Variants in SHISA6 observed in about 807,000 individuals in gnomAD.
SHISA6 encodes protein shisa-6.
In SHISA6, 22 loss-of-function variants were observed where a neutral mutation model predicts 47.9. That is an observed-to-expected ratio of 0.46 (90% CI 0.33 to 0.66). SHISA6 has a LOEUF of 0.66. Ranked by LOEUF, SHISA6 falls within the 30% of genes least tolerant of loss-of-function variation. The pLI is 0.02. For missense variants in SHISA6, 680 were observed against 764.6 expected, an observed-to-expected ratio of 0.89 and a Z score of 1.30; for synonymous variants, 388 against 337.8, an observed-to-expected ratio of 1.15 and a Z score of -1.63.
chr17:11,291,105 C>T (rs1287062946), intron 2 of SHISA6, among the ~76,000 whole-genome samples: 1 of 151,780 alleles, frequency 6.6e-6, no homozygotes, highest in Non-Finnish European at 1.5e-5. Flanking sequence ...AGGTGACATG[C>T]ACAGTAGTGG....
intron 3 of SHISA6, among the ~76,000 whole-genome samples, chr17:11,421,909 G>A (rs1485080118): frequency 6.6e-6 from 1 of 152,198 alleles, no homozygotes; most frequent in Non-Finnish European, 1.5e-5. Flanking sequence ...AATAAGCACA[G>A]TTGGTTGCTC....
chr17:11,339,508 G>A (rs921216579), intron 2 of SHISA6, among the ~76,000 whole-genome samples: 10 of 152,136 alleles, frequency 6.6e-5, no homozygotes, highest in Admixed American at 5.9e-4. Flanking sequence ...ACAAGAAATC[G>A]TTTTTTGAGG....
chr17:11,352,194 A>G (rs544637331), intron 2 of SHISA6, among the ~76,000 whole-genome samples: 3 of 152,272 alleles, frequency 2.0e-5, no homozygotes, highest in Non-Finnish European at 4.4e-5. Flanking sequence ...TTTATGGAAT[A>G]TGTAATTTTA....
intron 3 of SHISA6, among the ~76,000 whole-genome samples, chr17:11,423,334 G>C (rs747980426): frequency 1.4e-4 from 2 of 13,922 alleles, no homozygotes; most frequent in Non-Finnish European, 3.1e-4. Flanking sequence ...TATATAGATA[G>C]ATAGATAGAT....
chr17:11,487,666 G>A (rs1249927136), intron 3 of SHISA6, among the ~76,000 whole-genome samples: 1 of 152,174 alleles, frequency 6.6e-6, no homozygotes, highest in Non-Finnish European at 1.5e-5. Context: ...CTCTTTAGAA[G>A]ACTGGAAACA....
intron 2 of SHISA6, among the ~76,000 whole-genome samples, chr17:11,330,186 C>T (rs953323164): frequency 3.9e-5 from 6 of 152,080 alleles, no homozygotes; most frequent in East Asian, 1.9e-4. Context: ...GTATCTGAAC[C>T]GGTTTCAGTG....
At chr17:11,555,493 T>C (rs2071969303) in intron 4 of SHISA6, among the ~76,000 whole-genome samples, 1 of 151,714 alleles carries the variant, frequency 6.6e-6, no homozygotes, top group Non-Finnish European at 1.5e-5. Flanking sequence ...CTCCTCAGAC[T>C]CAAGAGTCGA....
chr17:11,450,236 C>A lies in SHISA6; in HGVS notation c.895+70727C>A, dbSNP rs552275972. Among the ~76,000 whole-genome samples the A allele has an allele frequency of 3.9e-5, 6 of 152,288 alleles. No homozygotes were observed. In the South Asian group the frequency reaches 1.2e-3, roughly 32 times the overall value. ...TCAAATTGAATTTAGGGGCCCACCC[C>A]ACTCCACTTTGACCTCATCTTAATT... On this transcript the variant is annotated intron_variant, in intron 3 of 5. Coordinates refer to ENST00000441885, the MANE Select transcript of SHISA6 (RefSeq NM_207386.4).
intron 3 of SHISA6, among the ~76,000 whole-genome samples, chr17:11,402,118 C>T (rs1316905181): frequency 2.0e-5 from 3 of 152,180 alleles, no homozygotes; most frequent in South Asian, 2.1e-4. Context: ...CAGTTCTACT[C>T]TCTGAAGGGG....
intron 3 of SHISA6, among the ~76,000 whole-genome samples, chr17:11,395,003 T>G (rs1015049103): frequency 7.0e-6 from 1 of 142,380 alleles, no homozygotes; most frequent in African/African-American, 2.6e-5. Context: ...CTTTTCTTTT[T>G]TTTTTTTTTT....
At chr17:11,397,002 C>T (rs985208049) in intron 3 of SHISA6, among the ~76,000 whole-genome samples, 16 of 152,128 alleles carry the variant, frequency 1.1e-4, no homozygotes, top group Admixed American at 3.3e-4. Flanking sequence ...AGGCTGGAAA[C>T]GGTTCTCCTA....
At chr17:11,277,161 G>A (rs538182304) in intron 2 of SHISA6, among the ~76,000 whole-genome samples, 35 of 151,996 alleles carry the variant, frequency 2.3e-4, no homozygotes, top group Non-Finnish European at 4.0e-4. Flanking sequence ...GGGGTGTTCA[G>A]TTCTCCAGTG....
chr17:11,472,660 TAA>T (rs1191851959), intron 3 of SHISA6, among the ~76,000 whole-genome samples: 1 of 152,220 alleles, frequency 6.6e-6, no homozygotes, highest in Non-Finnish European at 1.5e-5. Context: ...TGTGTGGAAA[TAA>T]GTTTTCAACT....
At chr17:11,462,094 C>T (rs1915706611) in intron 3 of SHISA6, among the ~76,000 whole-genome samples, 1 of 152,074 alleles carries the variant, frequency 6.6e-6, no homozygotes. Context: ...TCAGCTGGAT[C>T]ATAATGAGAG....
intron 2 of SHISA6, among the ~76,000 whole-genome samples, chr17:11,359,455 T>G (rs113295709): frequency 1.3e-5 from 2 of 152,260 alleles, no homozygotes; most frequent in African/African-American, 4.8e-5. Context: ...AATATACCAT[T>G]GGGCAAGCTA....
At chr17:11,415,022 G>T (rs192184492) in intron 3 of SHISA6, among the ~76,000 whole-genome samples, 73 of 151,654 alleles carry the variant, frequency 4.8e-4, no homozygotes, top group Middle Eastern at 3.4e-3. Context: ...GGAGGCGGAG[G>T]AGCTGAGATC....
intron 1 of SHISA6, among the ~76,000 whole-genome samples, chr17:11,259,112 A>G (rs1908130929): frequency 6.6e-6 from 1 of 151,810 alleles, no homozygotes; most frequent in Non-Finnish European, 1.5e-5. Flanking sequence ...TTGGATAGAT[A>G]GGAGGTGACT....
In SHISA6 at chr17:11,241,854, C is replaced by T; in HGVS notation, c.432C>T (p.Asn144=). ...HEKLDQRQCT[N]YQSPVWVQTP... is the part of the protein sequence containing the mutation. ...AGCTGGACCAGCGCCAGTGCACCAA[C>T]TACCAGAGCCCGGTGTGGGTACAGA... The change falls in exon 1 of 6, where the codon AAC becomes AAT. Residue 144 remains asparagine, a synonymous_variant. Coordinates refer to ENST00000441885, the MANE Select transcript of SHISA6 (RefSeq NM_207386.4). This position sits in a 1 kb window ranked among gnomAD's most constrained non-coding sequence, Gnocchi z 5.5. 1.3e-6 allele frequency: 2 copies of T among 1,551,310 alleles called. No homozygotes were observed. Among genetic ancestry groups the T allele is most frequent in the Non-Finnish European group, 1.7e-6 (2 of 1,147,032 alleles).
intron 3 of SHISA6, among the ~76,000 whole-genome samples, chr17:11,385,029 A>C (rs1458805697): frequency 1.3e-5 from 2 of 152,232 alleles, no homozygotes; most frequent in Non-Finnish European, 2.9e-5. Context: ...AGACAAACTT[A>C]CATGTCAGTC....
Sources: allele counts gnomAD v4.1 joint callset (sites outside exome capture counted in the v4.1 genomes callset), GRCh38; gene constraint gnomAD v4.1.1; non-coding constraint Gnocchi (gnomAD v3.1); transcripts MANE v1.5; gene names NCBI Gene and HGNC (gene_info 2026-07-23, HGNC 2026-07-21).